Variants in TBL1XR1 observed in about 807,000 individuals in gnomAD.
TBL1XR1 encodes the protein F-box-like/WD repeat-containing protein TBL1XR1.
In TBL1XR1, 5 loss-of-function variants were observed where a neutral mutation model predicts 66.9. The observed-to-expected ratio is 0.07, with a 90% confidence interval of 0.04 to 0.16. The LOEUF is 0.16. Ranked by LOEUF, TBL1XR1 falls within the 10% of genes least tolerant of loss-of-function variation. The pLI, the probability that TBL1XR1 is intolerant of heterozygous loss-of-function variation, is 1.00. For synonymous variants in TBL1XR1, 210 were observed against 206.0 expected (o/e 1.02, Z -0.17); for missense variants, 238 against 623.2 (o/e 0.38, Z 6.58).
At chr3:177,061,921 T>C (rs1718566385) in intron 3 of TBL1XR1, among the ~76,000 whole-genome samples, 1 of 152,144 alleles carries the variant, frequency 6.6e-6, no homozygotes, top group Non-Finnish European at 1.5e-5. Flanking sequence ...AAAAAAAAGC[T>C]TTGGAATAAG....
intron 2 of TBL1XR1, among the ~76,000 whole-genome samples, chr3:177,069,793 A>AAAGGAAAGAAAGG (rs1231504351): frequency 1.1e-5 from 1 of 92,342 alleles, no homozygotes; most frequent in Admixed American, 1.2e-4. Context: ...AAAAGGAAGG[A>AAAGGAAAGAAAGG]AAGGAAGGAA....
In TBL1XR1 at chr3:177,021,353, C is replaced by T. The variant is rs1187424821; in HGVS notation, c.*4145G>A. The T allele has an allele frequency of 7.0e-6, 1 of 143,460 alleles. No individual in the cohort carries two copies. Among genetic ancestry groups the T allele is most frequent in the East Asian group, 2.1e-4 (1 of 4,768 alleles). 8.9% of individuals were successfully genotyped at this position (143,460 alleles called of 1,614,324 possible). ...ACTTATCCGGAAATTCCAAAGAAAA[C>T]ATCATGAAACAGCTTACAAAAAAAA... On this transcript the variant is annotated 3_prime_UTR_variant, in exon 16 of 16. Transcript: ENST00000457928.
intron 9 of TBL1XR1, among the ~76,000 whole-genome samples, chr3:177,046,755 A>C (rs1384946118): frequency 6.6e-6 from 1 of 152,122 alleles, no homozygotes; most frequent in African/African-American, 2.4e-5. Context: ...ATAAAGAGTG[A>C]ACTAGCTTCT....
intron 1 of TBL1XR1, among the ~76,000 whole-genome samples, chr3:177,119,948 C>G (rs901319004): frequency 3.3e-5 from 5 of 152,158 alleles, no homozygotes; most frequent in Admixed American, 2.0e-4. Context: ...TAACAGAAAG[C>G]CCTTGGGGAC....
intron 3 of TBL1XR1, among the ~76,000 whole-genome samples, chr3:177,060,934 T>C (rs1267047769): frequency 1.3e-5 from 2 of 152,272 alleles, no homozygotes; most frequent in Non-Finnish European, 2.9e-5. Flanking sequence ...CGCTCAGTTT[T>C]CAAGTCATCT....
chr3:177,076,603 T>G (rs1457475241), intron 2 of TBL1XR1, among the ~76,000 whole-genome samples: 1 of 152,190 alleles, frequency 6.6e-6, no homozygotes, highest in African/African-American at 2.4e-5. Context: ...AAATACAGAT[T>G]CCATCATTTG....
chr3:177,179,590 T>C (rs867180251), intron 1 of TBL1XR1, among the ~76,000 whole-genome samples: 8 of 152,162 alleles, frequency 5.3e-5, no homozygotes, highest in African/African-American at 1.9e-4. Context: ...AAGCTAAAGG[T>C]TGCAGAAGTT....
intron 10 of TBL1XR1, among the ~76,000 whole-genome samples, chr3:177,043,332 T>C (rs1410259067): frequency 6.6e-6 from 1 of 152,192 alleles, no homozygotes; most frequent in African/African-American, 2.4e-5. Context: ...TTCATATGTT[T>C]TGAAACAGTG....
At chr3:177,155,247 C>T (rs529798830) in intron 1 of TBL1XR1, among the ~76,000 whole-genome samples, 26 of 152,246 alleles carry the variant, frequency 1.7e-4, no homozygotes, top group Admixed American at 1.3e-3. Context: ...ACACACAACA[C>T]TGAAAAAGCA....
chr3:177,121,955 A>G (rs1727024830), intron 1 of TBL1XR1, among the ~76,000 whole-genome samples: 1 of 152,190 alleles, frequency 6.6e-6, no homozygotes, highest in African/African-American at 2.4e-5. Context: ...TGAAAGAATC[A>G]CAATGCAAGA....
chr3:177,197,770 C>T (rs1475385662), upstream of TBL1XR1, among the ~76,000 whole-genome samples: 6 of 146,778 alleles, frequency 4.1e-5, no homozygotes, highest in Non-Finnish European at 7.6e-5. Flanking sequence ...GCACTGGGGG[C>T]TGGGCTGTGC....
intron 1 of TBL1XR1, among the ~76,000 whole-genome samples, chr3:177,160,632 C>T (rs1458272072): frequency 6.6e-6 from 1 of 152,040 alleles, no homozygotes; most frequent in Non-Finnish European, 1.5e-5. Context: ...AATTCTTTTT[C>T]TTCAAGCTCT....
chr3:177,094,282 T>TTAC, intron 2 of TBL1XR1, among the ~76,000 whole-genome samples: 1 of 152,310 alleles, frequency 6.6e-6, no homozygotes, highest in Non-Finnish European at 1.5e-5. Flanking sequence ...TGATGCCACC[T>TTAC]TACTCCTGCA....
rs751109022 is a variant in TBL1XR1 at position 177,170,637 on chromosome 3, TTTG to T, written c.-122+26481_-122+26483del. Among the ~76,000 whole-genome samples the T allele has an allele frequency of 3.9e-5, 6 of 152,230 alleles. No individual in the cohort carries two copies. In the East Asian group the frequency reaches 9.7e-4, roughly 24 times the overall value. ...TCTAAAGTCCTTGAGATCAATGGTTTTTGTTGTTGTTGTTTTGGGACAGGGTCT... is the reference window on the plus strand; with the variant it reads ...TCTAAAGTCCTTGAGATCAATGGTTTTTGTTGTTGTTTTGGGACAGGGTCT... On this transcript the variant is annotated intron_variant, in intron 1 of 15. Transcript: ENST00000457928.
rs76685678 is a variant in TBL1XR1, at chr3:177,069,571, A to C, written c.-45-4549T>G. ...CAACATGGTGAAACCCCATCTCTAC[A>C]AAAAAAAATACAAAAAAATTACCCA... On this transcript the variant is annotated intron_variant, in intron 2 of 15. Coordinates refer to ENST00000457928, the MANE Select transcript of TBL1XR1 (RefSeq NM_024665.7). 2.7e-3 allele frequency among the ~76,000 whole-genome samples: 403 copies of C among 150,124 alleles called. 1 individual carries two copies. The highest frequency in any genetic ancestry group is 9.4e-3 in the African/African-American group (384 of 40,838).
intron 1 of TBL1XR1, among the ~76,000 whole-genome samples, chr3:177,171,757 A>G (rs1348448141): frequency 6.6e-6 from 1 of 151,028 alleles, no homozygotes; most frequent in Non-Finnish European, 1.5e-5. Flanking sequence ...AAAGAAATCC[A>G]GGGCTTTTTG....
chr3:177,097,873 C>A (rs1203328969), intron 2 of TBL1XR1, among the ~76,000 whole-genome samples: 2 of 152,136 alleles, frequency 1.3e-5, no homozygotes, highest in East Asian at 3.9e-4. Flanking sequence ...TATTTTTCAT[C>A]CTGATGACCG....
At chr3:177,101,959 ATTTT>A (rs760088212) in intron 1 of TBL1XR1, among the ~76,000 whole-genome samples, 41 of 149,070 alleles carry the variant, frequency 2.8e-4, no homozygotes, top group Middle Eastern at 3.4e-3. Context: ...AACCATTAGA[ATTTT>A]TTTTTTTACT....
intron 1 of TBL1XR1, among the ~76,000 whole-genome samples, chr3:177,175,935 T>TG (rs1734095969): frequency 6.6e-6 from 1 of 151,284 alleles, no homozygotes; most frequent in South Asian, 2.1e-4. Context: ...TGGGCGCCTG[T>TG]AGTCCCAGCT....
Sources: allele counts gnomAD v4.1 joint callset (sites outside exome capture counted in the v4.1 genomes callset), GRCh38; gene constraint gnomAD v4.1.1; transcripts MANE v1.5; gene names NCBI Gene and HGNC (gene_info 2026-07-23, HGNC 2026-07-21).